MYH8: variants seen among roughly 807,000 people sequenced by gnomAD.
MYH8 encodes the protein myosin-8.
In MYH8, 168 loss-of-function variants were observed where a neutral mutation model predicts 233.2. That is an observed-to-expected ratio of 0.72 (90% CI 0.64 to 0.82). The LOEUF (loss-of-function observed/expected upper bound fraction) is 0.82, where lower values mean the gene tolerates loss of function less well. MYH8 is among the 40% of genes least tolerant of loss of function. The pLI is 0.00. For synonymous variants in MYH8, 785 were observed against 850.6 expected (o/e 0.92, Z 1.34); for missense variants, 1,995 against 2,327.8 (o/e 0.86, Z 2.94).
Position 10,400,565 on chromosome 17 carries a change from T to G in MYH8, c.3560A>C (p.Gln1187Pro). 1 of 1,614,238 alleles carries G rather than the reference T, an allele frequency of 6.2e-7. No individual in the cohort carries two copies. The highest frequency in any genetic ancestry group is 8.5e-7 in the Non-Finnish European group (1 of 1,180,044). The change falls in exon 27 of 40, where the codon CAG becomes CCG. Residue 1187 changes from glutamine to proline, a missense_variant. Around this residue, in one of 3 missense-constraint regions of MYH8, gnomAD observed 1,498 missense variants for 1,680.9 expected, o/e 0.89. Coordinates refer to ENST00000403437, the MANE Select transcript of MYH8 (RefSeq NM_002472.3). The surrounding 1 kb of genome is among the most constrained non-coding windows in gnomAD (Gnocchi z 4.0). Reference protein sequence around the residue: ...LRRDLEEATLQHEAMVAALRK... With the variant: ...LRRDLEEATLPHEAMVAALRK... Reference sequence around the variant, plus strand: ...AAGAGCAGCCACCATAGCTTCATGCTGCAGGGTGGCCTCCTCCAGGTCCCT... The same window carrying G: ...AAGAGCAGCCACCATAGCTTCATGCGGCAGGGTGGCCTCCTCCAGGTCCCT...
chr17:10,390,360 CT>C lies in MYH8; in HGVS notation c.*93del. The C allele has an allele frequency of 6.6e-7, 1 of 1,510,016 alleles. No homozygotes were observed. The highest frequency in any genetic ancestry group is 9.2e-7 in the Non-Finnish European group (1 of 1,087,668). The allele number at this position is 1,510,016 out of a possible 1,614,324, so 93.5% of individuals were successfully genotyped here. On this transcript the variant is annotated 3_prime_UTR_variant, in exon 40 of 40. Coordinates refer to ENST00000403437, the MANE Select transcript of MYH8 (RefSeq NM_002472.3). ...TTTACTGTAGTTTTTATTTATTCAG[CT>C]TTAACAGGAAAATAAACGTCATAAA...
Position 10,392,643 on chromosome 17 carries a change from G to A in MYH8, c.5467C>T (p.Arg1823Cys), listed in dbSNP as rs530187127. The change falls in exon 38 of 40, where the codon CGT becomes TGT. Residue 1823 changes from arginine to cysteine, a missense_variant. Arg to Cys is a radical substitution (Grantham distance 180). This residue lies in a region of MYH8 where 1,498 missense variants were observed against 1,680.9 expected (regional missense o/e 0.89). Transcript: ENST00000403437. ...TTTTCAACCTCTCCTTCAAGCTCAC[G>A]TACCTGCAGCCAAGAAAAATACTTA... Reference protein sequence around the residue: ...KQIQKLEARVRELEGEVENEQ... With the variant: ...KQIQKLEARVCELEGEVENEQ... The A allele has an allele frequency of 3.1e-5, 50 of 1,614,050 alleles. No homozygotes were observed. Among genetic ancestry groups the A allele is most frequent in the South Asian group, 6.6e-5 (6 of 91,078 alleles).
chr17:10,414,871 G>GA (rs1247929598), intron 9 of MYH8, among the ~76,000 whole-genome samples: 2 of 152,020 alleles, frequency 1.3e-5, no homozygotes, highest in Non-Finnish European at 2.9e-5. Flanking sequence ...TTTTGTCCTG[G>GA]AAAAAAATCA....
At chr17:10,402,633 A>G (rs934549627) in intron 22 of MYH8, among the ~76,000 whole-genome samples, 5 of 150,946 alleles carry the variant, frequency 3.3e-5, no homozygotes, top group Admixed American at 1.3e-4. Context: ...ATGTGCACGC[A>G]CACACACACA....
intron 19 of MYH8, 118 bp downstream of exon 19, chr17:10,406,572 T>G: frequency 3.0e-6 from 4 of 1,349,698 alleles, no homozygotes; most frequent in Non-Finnish European, 4.2e-6. Context: ...GCCTGCTTCC[T>G]GTTATCCTTC....
rs1355497834 is a variant in MYH8 at position 10,405,998 on chromosome 17, C to T, written c.2432+43G>A. ...TGAATGAACAAGACTGATTGATAGTCCTTAAGGGACCTTATAATTCTGATA... is the reference window on the plus strand; with the variant it reads ...TGAATGAACAAGACTGATTGATAGTTCTTAAGGGACCTTATAATTCTGATA... On this transcript the variant is annotated intron_variant, in intron 21 of 39. Transcript: ENST00000403437. 4 of 1,606,922 alleles carry T rather than the reference C, an allele frequency of 2.5e-6. No homozygotes were observed. In the African/African-American group the frequency reaches 5.3e-5, roughly 21 times the overall value.
At chr17:10,405,720 A>G (rs2072186621) in intron 21 of MYH8, among the ~76,000 whole-genome samples, 1 of 152,240 alleles carries the variant, frequency 6.6e-6, no homozygotes, top group South Asian at 2.1e-4. Context: ...GCCTGGCTGG[A>G]AAAGGCTATG....
chr17:10,405,477 G>C (rs1223054060), intron 21 of MYH8, among the ~76,000 whole-genome samples: 1 of 152,202 alleles, frequency 6.6e-6, no homozygotes, highest in Non-Finnish European at 1.5e-5. Context: ...ACATGGGAAA[G>C]ACTCAGGAAC....
Position 10,409,461 on chromosome 17 carries a change from AC to A in MYH8, c.1714del (p.Val572SerfsTer11), listed in dbSNP as rs1348441541. The A allele has an allele frequency of 1.9e-6, 3 of 1,614,032 alleles. No homozygotes were observed. Among genetic ancestry groups the A allele is most frequent in the Non-Finnish European group, 2.5e-6 (3 of 1,180,040 alleles). On this transcript the variant is annotated frameshift_variant, in exon 16 of 40. Coordinates refer to ENST00000403437, the MANE Select transcript of MYH8 (RefSeq NM_002472.3). LOFTEE classifies it high-confidence loss of function. ...GAAGTGGGCCTCAGCCTTGCCTTTGACCACCTTGGGCTTCTGGAAGTTGGCA... is the reference window on the plus strand; with the variant it reads ...GAAGTGGGCCTCAGCCTTGCCTTTGACACCTTGGGCTTCTGGAAGTTGGCA... The part of the protein sequence containing the change: ...KSANFQKPKV[V>X]KGKAEAHFSL...
At chr17:10,403,092 G>A (rs1351011411) in intron 22 of MYH8, among the ~76,000 whole-genome samples, 4 of 152,026 alleles carry the variant, frequency 2.6e-5, no homozygotes, top group Admixed American at 2.6e-4. Context: ...TTTTGAAAAT[G>A]TTCAAACCCA....
Position 10,415,182 on chromosome 17 carries a change from T to G in MYH8, c.742-3A>C. 3.1e-6 allele frequency: 5 copies of G among 1,612,236 alleles called. No individual in the cohort carries two copies. The highest frequency in any genetic ancestry group is 3.4e-6 in the Non-Finnish European group (4 of 1,178,262). ...AAGTGGATTCTAATGAATTTACCCT[T>G]GAAAAGAATATTTAGTATTAGAAAA... On this transcript the variant is annotated splice_polypyrimidine_tract_variant and splice_region_variant and intron_variant, in intron 8 of 39. Coordinates refer to ENST00000403437, the MANE Select transcript of MYH8 (RefSeq NM_002472.3). The surrounding 1 kb of genome is among the most constrained non-coding windows in gnomAD (Gnocchi z 4.1).
At chr17:10,390,642 G>T (rs894813103) in intron 39 of MYH8, 39 bp from the exon 40 acceptor site, 3 of 1,602,516 alleles carry the variant, frequency 1.9e-6, no homozygotes, top group African/African-American at 1.3e-5. Flanking sequence ...TAGACTGTGT[G>T]GTTCTCATTG....
rs772703670 is a variant in MYH8, at chr17:10,395,438, A to T, written c.4657T>A (p.Ser1553Thr). 6.2e-7 allele frequency: 1 copy of T among 1,613,858 alleles called. No homozygotes were observed. Among genetic ancestry groups the T allele is most frequent in the Non-Finnish European group, 8.5e-7 (1 of 1,179,950 alleles). Residue 1553 changes from serine (S) to threonine (T), a missense_variant, in exon 34 of 40, where the codon TCT becomes ACT. Ser to Thr is a moderately conservative substitution (Grantham distance 58). Transcript: ENST00000403437. ...ATCTTTCCTTCTTCATGTTCAAGAG[A>T]TGCCTTAACAAAACAGTGATCAATT... ...IQAALEEAEA[S>T]LEHEEGKILR...
intron 12 of MYH8, among the ~76,000 whole-genome samples, chr17:10,413,209 T>G (rs1175476022): frequency 6.6e-6 from 1 of 152,218 alleles, no homozygotes; most frequent in Admixed American, 6.5e-5. Context: ...ACAGAATCCC[T>G]TTCTAAAATT....
chr17:10,414,337 T>C lies in MYH8; in HGVS notation c.905-42A>G, dbSNP rs1262990490. ...AGGGCATACATTTTACATTAGACAT[T>C]GTTAATAAAAATATTAACTTCTATC... On this transcript the variant is annotated intron_variant, in intron 10 of 39. Transcript: ENST00000403437. 3.7e-6 allele frequency: 6 copies of C among 1,601,066 alleles called. No homozygotes were observed. In the African/African-American group the frequency reaches 6.7e-5, roughly 18 times the overall value.
In MYH8 at chr17:10,392,669, C is replaced by T. The variant is rs779145723; in HGVS notation, c.5464-23G>A. On this transcript the variant is annotated intron_variant, in intron 37 of 39. Coordinates refer to ENST00000403437, the MANE Select transcript of MYH8 (RefSeq NM_002472.3). ...TACCTGCAGCCAAGAAAAATACTTA[C>T]GCAGTCAGTCTTGGGGGATATTAAT... 5.1e-5 allele frequency: 83 copies of T among 1,613,612 alleles called. No homozygotes were observed. In the East Asian group the frequency reaches 6.5e-4, roughly 13 times the overall value.
rs1363791536 is a variant in MYH8 at position 10,409,420 on chromosome 17, C to A, written c.1756G>T (p.Ala586Ser). Reference protein sequence around the residue: ...AEAHFSLIHYAGTVDYNITGW... With the variant: ...AEAHFSLIHYSGTVDYNITGW... ...GTAATGTTGTAGTCCACAGTGCCAG[C>A]ATAGTGAATCAGAGAGAAGTGGGCC... The change falls in exon 16 of 40, where the codon GCT becomes TCT. Residue 586 changes from alanine to serine, a missense_variant. Ala to Ser is a moderately conservative substitution (Grantham distance 99). Transcript: ENST00000403437. The A allele has an allele frequency of 6.2e-7, 1 of 1,614,082 alleles. No individual in the cohort carries two copies. Among genetic ancestry groups the A allele is most frequent in the East Asian group, 2.2e-5 (1 of 44,892 alleles).
At position 10,398,493 on chromosome 17, in the gene MYH8, T is replaced by G; in HGVS notation, c.4129A>C (p.Lys1377Gln). 6.2e-7 allele frequency: 1 copy of G among 1,614,072 alleles called. No homozygotes were observed. The change falls in exon 30 of 40, where the codon AAA becomes CAA. Residue 1377 changes from lysine to glutamine, a missense_variant. By Grantham distance (53) the Lys-to-Gln change is moderately conservative (BLOSUM62 1). Coordinates refer to ENST00000403437, the MANE Select transcript of MYH8 (RefSeq NM_002472.3). ...ANSEVAQWRT[K>Q]YETDAIQRTE... ...CGCTGGATGGCATCCGTCTCGTATT[T>G]GGTTCTCCACTGGGCAACCTCACTG...
rs200504915 is a variant in MYH8 at position 10,399,534 on chromosome 17, T to A, written c.3862+9A>T. On this transcript the variant is annotated intron_variant, in intron 28 of 39. Coordinates refer to ENST00000403437, the MANE Select transcript of MYH8 (RefSeq NM_002472.3). ...CCATGGTGTTGGGACCCAGAGAAGA[T>A]GTCTTTACCCGCTTCTGTCTGCAGG... 2 of 1,613,110 alleles carry A rather than the reference T, an allele frequency of 1.2e-6. No individual in the cohort carries two copies. Among genetic ancestry groups the A allele is most frequent in the Non-Finnish European group, 1.7e-6 (2 of 1,179,974 alleles).
Sources: gnomAD v4.1 joint callset for allele counts (sites outside exome capture counted in the v4.1 genomes callset) on GRCh38, gnomAD v4.1.1 for gene constraint, gnomAD v4.1.1 regional missense constraint, Gnocchi (gnomAD v3.1) non-coding constraint, MANE v1.5 for transcripts, NCBI Gene and HGNC (gene_info 2026-07-23, HGNC 2026-07-21) for gene names.